Variants in LRRC39 observed in about 807,000 individuals in gnomAD.
The protein encoded by LRRC39 is leucine-rich repeat-containing protein 39.
Under a neutral mutation model 39.7 loss-of-function variants are expected in LRRC39, and 35 were observed. The observed-to-expected ratio is 0.88, with a 90% CI of 0.67 to 1.17. The LOEUF (loss-of-function observed/expected upper bound fraction) is 1.17. Ranked by LOEUF, LRRC39 falls within the 50% of genes most tolerant of loss-of-function variation. The pLI is 0.00. For missense variants in LRRC39, 357 were observed against 385.8 expected (o/e 0.93, Z 0.62); for synonymous variants, 113 against 134.1 (o/e 0.84, Z 1.09).
At chr1:100,159,600 CTTT>C (rs1557925265) in intron 4 of LRRC39, among the ~76,000 whole-genome samples, 185 bp from the exon 5 acceptor site, 4 of 72,668 alleles carry the variant, frequency 5.5e-5, no homozygotes, top group African/African-American at 2.5e-4. Flanking sequence ...TTTTTTTTTT[CTTT>C]TCCTTTTTTT....
chr1:100,178,983 T>C (rs1660123360), upstream of LRRC39, among the ~76,000 whole-genome samples: 1 of 152,184 alleles, frequency 6.6e-6, no homozygotes, highest in African/African-American at 2.4e-5. Context: ...AGCACACATA[T>C]GTGAAGGCAT....
At position 100,148,742 on chromosome 1, in the gene LRRC39, A is replaced by G; in HGVS notation, c.*300T>C. 6.3e-7 allele frequency: 1 copy of G among 1,594,848 alleles called. No individual in the cohort carries two copies. Among genetic ancestry groups the G allele is most frequent in the Non-Finnish European group, 8.5e-7 (1 of 1,172,702 alleles). The stretch of plus-strand genomic sequence containing the variant: ...TCAGTCCTGCTTTGCAGTACTATAC[A>G]GACCCTCTGGTGTCTTTGGAAAATG... On this transcript the variant is annotated 3_prime_UTR_variant, in exon 10 of 10. Coordinates refer to ENST00000370137, the MANE Select transcript of LRRC39 (RefSeq NM_144620.4).
At chr1:100,179,365 T>C (rs768632128), upstream of LRRC39, among the ~76,000 whole-genome samples, 2 of 151,576 alleles carry the variant, frequency 1.3e-5, no homozygotes, top group Non-Finnish European at 2.9e-5. Flanking sequence ...TACAGAGTGC[T>C]TGCATGTGTT....
intron 3 of LRRC39, among the ~76,000 whole-genome samples, chr1:100,160,776 C>CA: frequency 6.6e-6 from 1 of 152,168 alleles, no homozygotes; most frequent in South Asian, 2.1e-4. Flanking sequence ...AGGCGTCCAC[C>CA]ACCACACCCG....
intron 9 of LRRC39, chr1:100,149,422 A>C (rs1378509795): frequency 3.2e-6 from 5 of 1,543,138 alleles, no homozygotes; most frequent in Non-Finnish European, 4.4e-6. Context: ...CATGACAAAC[A>C]CAAAACTGAA....
Position 100,152,526 on chromosome 1 carries a change from T to C in LRRC39, c.813-2A>G. ...GGGTTGTCTCTGAAGTTGACAAACC[T>C]AGAAGTTCATCAAAAAACAGTATTT... On this transcript the variant is annotated splice_acceptor_variant, in intron 8 of 9. Coordinates refer to ENST00000370137, the MANE Select transcript of LRRC39 (RefSeq NM_144620.4). LOFTEE classifies it high-confidence loss of function. The C allele has an allele frequency of 6.2e-7, 1 of 1,612,568 alleles. No homozygotes were observed. Among genetic ancestry groups the C allele is most frequent in the Non-Finnish European group, 8.5e-7 (1 of 1,179,474 alleles).
intron 6 of LRRC39, 50 bp downstream of exon 6, chr1:100,158,181 C>A: frequency 1.3e-6 from 2 of 1,582,610 alleles, no homozygotes; most frequent in South Asian, 2.3e-5. Flanking sequence ...ATTGAGTGGT[C>A]AACTACTGCA....
At chr1:100,152,804 G>A (rs1658152761) in intron 8 of LRRC39, among the ~76,000 whole-genome samples, 2 of 152,116 alleles carry the variant, frequency 1.3e-5, no homozygotes, top group Admixed American at 6.5e-5. Context: ...TGGACTCATG[G>A]CACCCTCCAC....
At position 100,159,406 on chromosome 1, in the gene LRRC39, A is replaced by C; in HGVS notation, c.229T>G (p.Ser77Ala). 6.2e-7 allele frequency: 1 copy of C among 1,605,918 alleles called. No individual in the cohort carries two copies. Among genetic ancestry groups the C allele is most frequent in the South Asian group, 1.1e-5 (1 of 89,164 alleles). ...AGTTGATTCAGTTTCAGCAGAGAAG[A>C]AGGGAGGGTCTACAGTAAAAGAAAT... ...IEKEEWKTLP[S>A]SLLKLNQLQE... The change falls in exon 5 of 10, where the codon TCT becomes GCT. Residue 77 changes from serine to alanine, a missense_variant. Ser to Ala is a moderately conservative substitution (Grantham distance 99, BLOSUM62 1). Coordinates refer to ENST00000370137, the MANE Select transcript of LRRC39 (RefSeq NM_144620.4).
chr1:100,149,709 C>T (rs1657766047), intron 9 of LRRC39: 1 of 268,748 alleles, frequency 3.7e-6, no homozygotes, highest in South Asian at 5.0e-5. Flanking sequence ...TTATTTAACT[C>T]ATGACTGGTT....
intron 3 of LRRC39, 55 bp from the exon 4 acceptor site, chr1:100,160,626 CT>C (rs35699743): frequency 0.12 from 129,355 of 1,072,722 alleles, no homozygotes; most frequent in South Asian, 0.15. Context: ...GTGGCATTCA[CT>C]TTTTTTTTTT....
In LRRC39 at chr1:100,156,333, A is replaced by C. The variant is rs775352485; in HGVS notation, c.514-16T>G. On this transcript the variant is annotated splice_polypyrimidine_tract_variant and intron_variant, in intron 6 of 9. Coordinates refer to ENST00000370137, the MANE Select transcript of LRRC39 (RefSeq NM_144620.4). ...GATTGCTGAGCTGAAGAAGAAAGCA[A>C]GGTTTTTCAAAATAAATGTCCACAA... 2 of 1,584,154 alleles carry C rather than the reference A, an allele frequency of 1.3e-6. No homozygotes were observed. The highest frequency in any genetic ancestry group is 1.7e-5 in the Admixed American group (1 of 57,444).
intron 9 of LRRC39, chr1:100,149,730 A>C (rs566727691): frequency 4.3e-6 from 1 of 233,494 alleles, no homozygotes; most frequent in Non-Finnish European, 8.3e-6. Flanking sequence ...TCTATGCACA[A>C]GAAAATACTA....
chr1:100,149,225 G>T, intron 9 of LRRC39, 128 bp from the exon 10 acceptor site: 1 of 1,492,140 alleles, frequency 6.7e-7, no homozygotes, highest in South Asian at 1.4e-5. Flanking sequence ...GTGATTGATT[G>T]TAACAAGGGC....
Position 100,157,203 on chromosome 1 carries a change from A to T in LRRC39, c.514-886T>A, listed in dbSNP as rs182403478. ...TTCATCTTGAATTGTACCTCCCATA[A>T]TTCCCATGTGTTGTGGGAGGGACCT... is the stretch of plus-strand genomic sequence containing the variant. On this transcript the variant is annotated intron_variant, in intron 6 of 9. Transcript: ENST00000370137. Among the ~76,000 whole-genome samples, 1,268 of 152,194 alleles carry T rather than the reference A, an allele frequency of 8.3e-3. 11 individuals carry two copies. The highest frequency in any genetic ancestry group is 0.013 in the Non-Finnish European group (900 of 67,990).
chr1:100,148,676 G>GA lies in LRRC39; in HGVS notation c.*365dup. On this transcript the variant is annotated 3_prime_UTR_variant, in exon 10 of 10. Coordinates refer to ENST00000370137, the MANE Select transcript of LRRC39 (RefSeq NM_144620.4). ...AAATAGGGCATCTTTGTAAATTGCT[G>GA]ATTGACCAAGGTCGAATCCAGTATT... 1 of 1,613,122 alleles carries GA rather than the reference G, an allele frequency of 6.2e-7. No individual in the cohort carries two copies. The highest frequency in any genetic ancestry group is 8.5e-7 in the Non-Finnish European group (1 of 1,179,740).
chr1:100,164,455 C>T (rs528707053), intron 3 of LRRC39, among the ~76,000 whole-genome samples: 6 of 152,138 alleles, frequency 3.9e-5, no homozygotes, highest in African/African-American at 1.4e-4. Flanking sequence ...GACTTACTAA[C>T]CCAGAAGCTA....
At chr1:100,165,307 G>C (rs1337418547) in intron 3 of LRRC39, among the ~76,000 whole-genome samples, 1 of 152,078 alleles carries the variant, frequency 6.6e-6, no homozygotes, top group Non-Finnish European at 1.5e-5. Flanking sequence ...TGCCAAAAAA[G>C]AACAAGCAGT....
chr1:100,157,596 C>T (rs554883776), intron 6 of LRRC39, among the ~76,000 whole-genome samples: 1 of 152,228 alleles, frequency 6.6e-6, no homozygotes, highest in South Asian at 2.1e-4. Flanking sequence ...TTGTTGGTGA[C>T]AAGTTTGCTT....
Sources: allele counts gnomAD v4.1 joint callset (sites outside exome capture counted in the v4.1 genomes callset), GRCh38; gene constraint gnomAD v4.1.1; transcripts MANE v1.5; gene names NCBI Gene and HGNC (gene_info 2026-07-23, HGNC 2026-07-21).